Variants in ITGB2 observed in about 807,000 individuals in gnomAD.
ITGB2 encodes integrin beta-2.
Under a neutral mutation model 86.8 loss-of-function variants are expected in ITGB2, and 56 were observed. That is an observed-to-expected ratio of 0.65 (90% CI 0.52 to 0.81). ITGB2 has a LOEUF of 0.81. ITGB2 is among the 30% of genes least tolerant of loss of function. ITGB2 has a pLI of 0.00. For synonymous variants in ITGB2, 457 were observed against 450.4 expected, an observed-to-expected ratio of 1.01 and a Z score of -0.19; for missense variants, 948 against 1,061.2, an observed-to-expected ratio of 0.89 and a Z score of 1.48.
At chr21:44,912,836 G>GCCGGCTTCAGGACTCC (rs1249360219) in intron 1 of ITGB2, among the ~76,000 whole-genome samples, 1 of 143,462 alleles carries the variant, frequency 7.0e-6, no homozygotes, top group Admixed American at 6.9e-5. Flanking sequence ...GCAGGGTCCA[G>GCCGGCTTCAGGACTCC]CCGGCTTCAG....
chr21:44,919,898 G>A (rs1334579489), intron 1 of ITGB2, among the ~76,000 whole-genome samples: 2 of 152,192 alleles, frequency 1.3e-5, no homozygotes, highest in East Asian at 3.9e-4. Context: ...CTGGCCCCAA[G>A]AGTGCAGTGT....
At position 44,889,941 on chromosome 21, in the gene ITGB2, A is replaced by G. The variant is rs757536938; in HGVS notation, c.1657+37T>C. Reference sequence around the variant, plus strand: ...CCCCCCAACACCAAGTCTGTGCCGCAGGACGGCCGTTGTCCAGCAGGGACC... The same window carrying G: ...CCCCCCAACACCAAGTCTGTGCCGCGGGACGGCCGTTGTCCAGCAGGGACC... On this transcript the variant is annotated intron_variant, in intron 12 of 15. Coordinates refer to ENST00000652462, the MANE Select transcript of ITGB2 (RefSeq NM_000211.5). The G allele has an allele frequency of 6.2e-6, 10 of 1,611,266 alleles. No homozygotes were observed. The South Asian group carries it at 1.1e-4, about 18-fold the overall frequency.
At position 44,894,073 on chromosome 21, in the gene ITGB2, G is replaced by A. The variant is rs905354178; in HGVS notation, c.1084-529C>T. 88 of 251,748 alleles carry A rather than the reference G, an allele frequency of 3.5e-4. 1 individual carries two copies. In the South Asian group the frequency reaches 3.9e-3, roughly 11 times the overall value. 15.6% of individuals were successfully genotyped at this position (251,748 alleles called of 1,614,324 possible). ...GACGGAAATTGAGAGGAGGCAGAGG[G>A]ACAGGTTCATAGGGGCATCGGGTGA... On this transcript the variant is annotated intron_variant, in intron 9 of 15. Transcript: ENST00000652462.
chr21:44,915,313 C>T (rs937488521), intron 1 of ITGB2, among the ~76,000 whole-genome samples: 3 of 152,102 alleles, frequency 2.0e-5, no homozygotes, highest in Admixed American at 6.5e-5. Flanking sequence ...CGTGAGCCAC[C>T]GTGCCCAGTC....
At chr21:44,923,309 T>G (rs2084332444), upstream of ITGB2, among the ~76,000 whole-genome samples, 1 of 152,146 alleles carries the variant, frequency 6.6e-6, no homozygotes, top group African/African-American at 2.4e-5. Context: ...CCAATTGCAA[T>G]GCATGGACCA....
intron 12 of ITGB2, 133 bp from the exon 13 acceptor site, chr21:44,889,628 T>C (rs1568881406): frequency 1.1e-6 from 1 of 924,390 alleles, no homozygotes; most frequent in South Asian, 1.4e-5. Flanking sequence ...GCAAAAGGCA[T>C]GGGGCCACTA....
Position 44,901,403 on chromosome 21 carries a change from C to T in ITGB2, c.741+89G>A, listed in dbSNP as rs952757158. The T allele has an allele frequency of 4.4e-5, 67 of 1,508,232 alleles. No individual in the cohort carries two copies. In the African/African-American group the frequency reaches 8.3e-4, roughly 19 times the overall value. The allele number at this position is 1,508,232 out of a possible 1,614,324, so 93.4% of individuals were successfully genotyped here. Reference sequence around the variant, plus strand: ...TGGAGTCCCTCAGACGACCTGCCGGCCAGGGTACCCCCCTGCCCCCACACA... The same window carrying T: ...TGGAGTCCCTCAGACGACCTGCCGGTCAGGGTACCCCCCTGCCCCCACACA... On this transcript the variant is annotated intron_variant, in intron 6 of 15. Transcript: ENST00000652462.
chr21:44,919,626 C>T (rs1219551256), intron 1 of ITGB2, among the ~76,000 whole-genome samples: 5 of 152,190 alleles, frequency 3.3e-5, no homozygotes, highest in African/African-American at 7.2e-5. Context: ...GCCACCGTCA[C>T]GGGGAAGGCG....
chr21:44,887,016 G>A, intron 14 of ITGB2, 114 bp from the exon 15 acceptor site: 1 of 1,311,194 alleles, frequency 7.6e-7, no homozygotes. Context: ...GAGGTTCCCA[G>A]GGCCCCGGCT....
intron 1 of ITGB2, chr21:44,914,243 G>A (rs886353754): frequency 6.6e-6 from 1 of 152,410 alleles, no homozygotes; most frequent in African/African-American, 2.4e-5. Context: ...GGAATCCACA[G>A]CCCCACAGGC....
In ITGB2 at chr21:44,889,315, T is replaced by C; in HGVS notation, c.1838A>G (p.Gln613Arg). The C allele has an allele frequency of 6.2e-7, 1 of 1,612,886 alleles. No homozygotes were observed. Among genetic ancestry groups the C allele is most frequent in the Non-Finnish European group, 8.5e-7 (1 of 1,179,876 alleles). Residue 613 changes from glutamine to arginine, a missense_variant, in exon 13 of 16, where the codon CAG becomes CGG. Physicochemically the swap from Gln to Arg is conservative, Grantham distance 43 (BLOSUM62 1). Coordinates refer to ENST00000652462, the MANE Select transcript of ITGB2 (RefSeq NM_000211.5). ...GGGTGAGGGGCAGCCGGGGCACTCC[T>C]GGCACAGAGGCAGCTGGTAGCCTGA... ...CHSGYQLPLC[Q>R]ECPGCPSPCG...
chr21:44,921,651 A>G (rs1191680369), upstream of ITGB2, among the ~76,000 whole-genome samples: 2 of 152,146 alleles, frequency 1.3e-5, no homozygotes, highest in East Asian at 3.9e-4. Flanking sequence ...AACCCAAATC[A>G]GACATCTTCA....
chr21:44,898,875 C>T (rs2083906119), intron 8 of ITGB2, among the ~76,000 whole-genome samples, 192 bp downstream of exon 8: 5 of 152,224 alleles, frequency 3.3e-5, no homozygotes, highest in South Asian at 4.1e-4. Context: ...CTCCTCCTAT[C>T]GACACGCAGG....
chr21:44,925,117 A>G (rs780035136), upstream of ITGB2, among the ~76,000 whole-genome samples: 11 of 150,464 alleles, frequency 7.3e-5, no homozygotes, highest in Non-Finnish European at 1.5e-4. Context: ...GCTGTTCTGT[A>G]TTCTTAAAAT....
rs141122859 is a variant in ITGB2 at position 44,899,828 on chromosome 21, A to C, written c.897+492T>G. On this transcript the variant is annotated intron_variant, in intron 7 of 15. Coordinates refer to ENST00000652462, the MANE Select transcript of ITGB2 (RefSeq NM_000211.5). ...CTCTGTCCCTCCCTGCATGTTCCTC[A>C]TGGTCCCCGCAGCCGCTCACCCAGC... Among the ~76,000 whole-genome samples the C allele has an allele frequency of 2.0e-5, 3 of 152,072 alleles. No individual in the cohort carries two copies. The East Asian group carries it at 5.8e-4, about 29-fold the overall frequency.
chr21:44,913,455 G>T (rs1341169780), intron 1 of ITGB2, among the ~76,000 whole-genome samples: 1 of 152,150 alleles, frequency 6.6e-6, no homozygotes, highest in Non-Finnish European at 1.5e-5. Flanking sequence ...AGCAGGATTG[G>T]CTCAGAGACC....
chr21:44,917,310 GA>G (rs371170189), intron 1 of ITGB2, among the ~76,000 whole-genome samples: 2 of 151,992 alleles, frequency 1.3e-5, no homozygotes, highest in African/African-American at 2.4e-5. Flanking sequence ...AATTTATGGG[GA>G]AAAAAAGAGA....
upstream of ITGB2, among the ~76,000 whole-genome samples, chr21:44,925,422 GGGAAGGAAGGAAGGAAGGAA>G (rs71334040): frequency 8.4e-4 from 46 of 54,738 alleles, no homozygotes; most frequent in Non-Finnish European, 1.3e-3. Flanking sequence ...GAGGGAGGGA[GGGAAGGAAGGAAGGAAGGAA>G]GGAAGGAAGG....
chr21:44,905,783 G>C (rs1173169828), intron 4 of ITGB2, among the ~76,000 whole-genome samples: 1 of 152,100 alleles, frequency 6.6e-6, no homozygotes, highest in South Asian at 2.1e-4. Context: ...CCAATGGCTC[G>C]GCCCCATCCC....
Sources: gnomAD v4.1 joint callset for allele counts (sites outside exome capture counted in the v4.1 genomes callset) on GRCh38, gnomAD v4.1.1 for gene constraint, MANE v1.5 for transcripts, NCBI Gene and HGNC (gene_info 2026-07-23, HGNC 2026-07-21) for gene names.